PRKCA: variants seen among roughly 807,000 people sequenced by gnomAD.
PRKCA encodes the protein protein kinase C alpha type.
A neutral mutation model predicts 87.0 loss-of-function variants in PRKCA; 27 were observed. The observed-to-expected ratio is 0.31, with a 90% CI of 0.23 to 0.43. The LOEUF (loss-of-function observed/expected upper bound fraction) is 0.43. Among genes scored for constraint, PRKCA ranks in the 20% least tolerant of loss-of-function variants. PRKCA has a pLI of 1.00. For synonymous variants in PRKCA, 329 were observed against 311.1 expected (o/e 1.06, Z -0.61); for missense variants, 518 against 852.3 (o/e 0.61, Z 4.88).
chr17:66,320,807 C>T (rs935309872), intron 2 of PRKCA, among the ~76,000 whole-genome samples: 1 of 152,170 alleles, frequency 6.6e-6, no homozygotes, highest in Non-Finnish European at 1.5e-5. Flanking sequence ...ACCTAAAATA[C>T]ACACATACAA....
intron 2 of PRKCA, among the ~76,000 whole-genome samples, chr17:66,431,410 C>G (rs1913092679): frequency 6.6e-6 from 1 of 152,150 alleles, no homozygotes; most frequent in Non-Finnish European, 1.5e-5. Flanking sequence ...TCTTTTCATA[C>G]TTTTCTTAAT....
intron 8 of PRKCA, among the ~76,000 whole-genome samples, chr17:66,697,629 C>T (rs1972957984): frequency 6.6e-6 from 1 of 152,190 alleles, no homozygotes; most frequent in South Asian, 2.1e-4. Context: ...TTCTTTCTCA[C>T]CTCACCCAGA....
At chr17:66,335,025 C>T (rs1464897456) in intron 2 of PRKCA, among the ~76,000 whole-genome samples, 1 of 152,162 alleles carries the variant, frequency 6.6e-6, no homozygotes, top group Non-Finnish European at 1.5e-5. Context: ...TATAGTTTCA[C>T]TTACATGAGT....
chr17:66,798,136 A>G (rs1235239955), intron 16 of PRKCA, among the ~76,000 whole-genome samples: 1 of 152,094 alleles, frequency 6.6e-6, no homozygotes, highest in Non-Finnish European at 1.5e-5. Flanking sequence ...CTTGGCGTTC[A>G]TGCAGTCATG....
chr17:66,462,964 A>G (rs2059227343), intron 2 of PRKCA, among the ~76,000 whole-genome samples: 2 of 134,020 alleles, frequency 1.5e-5, no homozygotes, highest in Non-Finnish European at 1.6e-5. Flanking sequence ...ACACACACAC[A>G]CATTTATGAG....
At chr17:66,352,182 A>T (rs528836978) in intron 2 of PRKCA, among the ~76,000 whole-genome samples, 1 of 152,310 alleles carries the variant, frequency 6.6e-6, no homozygotes, top group Non-Finnish European at 1.5e-5. Flanking sequence ...AGCTATTTCA[A>T]GGTTCTGGAA....
intron 3 of PRKCA, among the ~76,000 whole-genome samples, chr17:66,523,844 T>C (rs1967253219): frequency 6.6e-6 from 1 of 152,212 alleles, no homozygotes; most frequent in Non-Finnish European, 1.5e-5. Context: ...GAGGGGCTTG[T>C]AATGAACAGA....
At chr17:66,784,714 A>T (rs1008168761) in intron 14 of PRKCA, among the ~76,000 whole-genome samples, 3 of 152,196 alleles carry the variant, frequency 2.0e-5, no homozygotes, top group African/African-American at 7.2e-5. Flanking sequence ...GGACACAAGG[A>T]TGACCTGCAC....
intron 2 of PRKCA, among the ~76,000 whole-genome samples, chr17:66,409,662 G>C (rs564340760): frequency 6.6e-6 from 1 of 152,300 alleles, no homozygotes; most frequent in Admixed American, 6.5e-5. Flanking sequence ...GGGCGCGGTG[G>C]CTCACGCCTG....
chr17:66,674,156 A>G (rs2143964381), intron 5 of PRKCA, among the ~76,000 whole-genome samples: 1 of 152,200 alleles, frequency 6.6e-6, no homozygotes, highest in East Asian at 1.9e-4. Flanking sequence ...TGGGGATGCG[A>G]GGGGGTGTGG....
At chr17:66,642,698 C>G (rs1971334640) in intron 4 of PRKCA, among the ~76,000 whole-genome samples, 1 of 152,144 alleles carries the variant, frequency 6.6e-6, no homozygotes, top group Admixed American at 6.5e-5. Context: ...TCTCAGGACA[C>G]AGGGATTCTT....
At chr17:66,760,987 T>G (rs1046769411) in intron 13 of PRKCA, among the ~76,000 whole-genome samples, 2 of 152,200 alleles carry the variant, frequency 1.3e-5, no homozygotes, top group African/African-American at 4.8e-5. Context: ...TCTAAATAGA[T>G]TTTAAAGCAC....
chr17:66,795,264 C>G (rs1367695212), intron 16 of PRKCA, among the ~76,000 whole-genome samples: 1 of 152,176 alleles, frequency 6.6e-6, no homozygotes, highest in Non-Finnish European at 1.5e-5. Context: ...GATCAGATAC[C>G]ATAGGCAGCT....
intron 8 of PRKCA, among the ~76,000 whole-genome samples, chr17:66,698,783 G>A (rs1447874703): frequency 6.7e-6 from 1 of 149,208 alleles, no homozygotes; most frequent in Admixed American, 6.8e-5. Flanking sequence ...AGACCAGCCT[G>A]GCCAACGTAG....
chr17:66,659,390 C>T (rs1467038675), intron 5 of PRKCA, among the ~76,000 whole-genome samples: 1 of 152,102 alleles, frequency 6.6e-6, no homozygotes, highest in East Asian at 1.9e-4. Flanking sequence ...CCTCCACCAG[C>T]CATGAGGAGA....
chr17:66,650,228 G>A (rs559428609), intron 5 of PRKCA, among the ~76,000 whole-genome samples: 32 of 152,340 alleles, frequency 2.1e-4, no homozygotes, highest in Admixed American at 1.8e-3. Context: ...GGAAACCTCC[G>A]TTTGCAGTCA....
In PRKCA at chr17:66,788,997, G is replaced by A; in HGVS notation, c.1854+18G>A. ...CCAAAGTGGTGAGTCCAGAAAAGCA[G>A]CCTGTTTTCGGAACCCCATGTCCCC... On this transcript the variant is annotated intron_variant, in intron 16 of 16. Transcript: ENST00000413366. The A allele has an allele frequency of 6.2e-7, 1 of 1,613,756 alleles. No individual in the cohort carries two copies. The highest frequency in any genetic ancestry group is 2.2e-5 in the East Asian group (1 of 44,864).
Position 66,409,053 on chromosome 17 carries a change from A to AAAG in PRKCA, c.206-87139_206-87137dup, listed in dbSNP as rs1022776328. Among the ~76,000 whole-genome samples, 789 of 150,874 alleles carry AAAG rather than the reference A, an allele frequency of 5.2e-3. 7 individuals carry two copies. The highest frequency in any genetic ancestry group is 9.4e-3 in the Non-Finnish European group (634 of 67,516). On this transcript the variant is annotated intron_variant, in intron 2 of 16. Transcript: ENST00000413366. ...AGTCTCAAAAAAAAAAAAAAAAAAA[A>AAAG]AAGAAGAAGAATAAATAGTGGTTGT...
chr17:66,675,948 A>G (rs1035558149), intron 5 of PRKCA, among the ~76,000 whole-genome samples: 2 of 152,138 alleles, frequency 1.3e-5, no homozygotes, highest in South Asian at 2.1e-4. Context: ...CAGAGCCCCT[A>G]AACCCCTTGC....
Sources: gnomAD v4.1 joint callset for allele counts (sites outside exome capture counted in the v4.1 genomes callset) on GRCh38, gnomAD v4.1.1 for gene constraint, MANE v1.5 for transcripts, NCBI Gene and HGNC (gene_info 2026-07-23, HGNC 2026-07-21) for gene names.